NLRP14: variants seen among roughly 807,000 people sequenced by gnomAD.
NLRP14 encodes NACHT, LRR and PYD domains-containing protein 14.
NLRP14 carries 105 observed loss-of-function variants against 94.7 expected under a neutral mutation model. The ratio of observed to expected loss-of-function variants is 1.11; its 90% CI spans 0.95 to 1.30. NLRP14 has a LOEUF of 1.30. Among genes scored for constraint, NLRP14 ranks in the 50% most tolerant of loss-of-function variants. The probability of loss-of-function intolerance (pLI) is 0.00; values close to 1 mark genes in which losing one functional copy is unlikely to be tolerated. For synonymous variants in NLRP14, 508 were observed against 459.9 expected, an observed-to-expected ratio of 1.10 and a Z score of -1.34; for missense variants, 1,362 against 1,254.1, an observed-to-expected ratio of 1.09 and a Z score of -1.30.
At chr11:7,041,137 A>C (rs1852242167) in intron 3 of NLRP14, among the ~76,000 whole-genome samples, 1 of 152,166 alleles carries the variant, frequency 6.6e-6, no homozygotes. Flanking sequence ...GTTTCGTGGT[A>C]GGTTTTAATT....
intron 1 of NLRP14, among the ~76,000 whole-genome samples, chr11:7,024,854 A>G (rs973469598): frequency 2.0e-5 from 3 of 152,186 alleles, no homozygotes; most frequent in African/African-American, 7.2e-5. Flanking sequence ...AAGGTATCCT[A>G]TATGATTTGG....
At chr11:7,037,157 A>G (rs960051606) in intron 1 of NLRP14, among the ~76,000 whole-genome samples, 3 of 152,300 alleles carry the variant, frequency 2.0e-5, no homozygotes, top group Non-Finnish European at 4.4e-5. Context: ...GAAATTTCAG[A>G]GTTCTTTTTT....
the NLRP14 span, chr11:7,088,918 G>A: frequency 1.8e-5 from 11 of 620,394 alleles, no homozygotes; most frequent in African/African-American, 1.8e-4. Flanking sequence ...TCCCGACGGC[G>A]AATTGGCCCT....
At chr11:7,080,313 T>C in the NLRP14 span, among the ~76,000 whole-genome samples, 1 of 152,196 alleles carries the variant, frequency 6.6e-6, no homozygotes, top group Non-Finnish European at 1.5e-5. Context: ...TAAGAATTGT[T>C]GTTGGAAAAT....
chr11:7,042,818 G>T lies in NLRP14; in HGVS notation c.792G>T (p.Leu264=), dbSNP rs1465263435. 6.2e-7 allele frequency: 1 copy of T among 1,614,172 alleles called. No homozygotes were observed. Among genetic ancestry groups the T allele is most frequent in the Non-Finnish European group, 8.5e-7 (1 of 1,180,020 alleles). ...TTATTATTGACAGTTTCGATGAACT[G>T]AACTTTGCCTTTGAAGAACCTGAGT... The part of the protein sequence containing the change: ...LLFIIDSFDE[L]NFAFEEPEFA... Residue 264 remains leucine, a synonymous_variant, in exon 4 of 12, where the codon CTG becomes CTT. Transcript: ENST00000299481.
intron 4 of NLRP14, 132 bp downstream of exon 4, chr11:7,044,116 G>A (rs1292996948): frequency 1.1e-6 from 1 of 893,576 alleles, no homozygotes; most frequent in Admixed American, 2.2e-5. Context: ...TCTTGAGGCA[G>A]GGAGGCTAAG....
intron 6 of NLRP14, among the ~76,000 whole-genome samples, chr11:7,057,206 G>A (rs1852528928): frequency 6.6e-6 from 1 of 151,820 alleles, no homozygotes; most frequent in Non-Finnish European, 1.5e-5. Flanking sequence ...TTTACTTATT[G>A]TTTTTCACTC....
intron 8 of NLRP14, among the ~76,000 whole-genome samples, chr11:7,059,173 A>G (rs946692617): frequency 3.7e-4 from 56 of 150,364 alleles, no homozygotes; most frequent in African/African-American, 1.3e-3. Flanking sequence ...TCTATTATAT[A>G]TATCTTATAG....
At chr11:7,033,904 A>G (rs1041043645) in intron 1 of NLRP14, among the ~76,000 whole-genome samples, 3 of 152,200 alleles carry the variant, frequency 2.0e-5, no homozygotes, top group African/African-American at 7.2e-5. Flanking sequence ...GGGAAGGAAT[A>G]TCATGGTGGC....
chr11:7,074,437 T>C (rs1374550959), downstream of NLRP14, among the ~76,000 whole-genome samples: 1 of 152,204 alleles, frequency 6.6e-6, no homozygotes, highest in Non-Finnish European at 1.5e-5. Flanking sequence ...GACACCTCTT[T>C]CACATGATAG....
intron 1 of NLRP14, among the ~76,000 whole-genome samples, chr11:7,032,860 A>G (rs1852116752): frequency 6.6e-6 from 1 of 152,238 alleles, no homozygotes; most frequent in East Asian, 1.9e-4. Context: ...TGCACTGAGC[A>G]TAAACATGCA....
intron 3 of NLRP14, among the ~76,000 whole-genome samples, chr11:7,042,177 G>GT (rs1431622578): frequency 6.6e-6 from 1 of 151,002 alleles, no homozygotes; most frequent in African/African-American, 2.4e-5. Flanking sequence ...ATCTATTCTG[G>GT]TTTTTATTAC....
In NLRP14 at chr11:7,071,205, A is replaced by AT; in HGVS notation, c.3179_3180insT (p.Gln1060HisfsTer10). ...AAAGAGGCATTTGATGAGGAAGCCCAGAAGCTGCTGGAAGCTGTGGGAGTT... is the reference window on the plus strand; with the variant it reads ...AAAGAGGCATTTGATGAGGAAGCCCATGAAGCTGCTGGAAGCTGTGGGAGTT... On this transcript the variant is annotated frameshift_variant, in exon 12 of 12. Transcript: ENST00000299481. LOFTEE classifies it low-confidence loss of function (END_TRUNC). 6.2e-7 allele frequency: 1 copy of AT among 1,614,020 alleles called. No homozygotes were observed. The highest frequency in any genetic ancestry group is 1.1e-5 in the South Asian group (1 of 91,076).
chr11:7,058,110 T>C (rs1852546663), intron 7 of NLRP14, among the ~76,000 whole-genome samples, 170 bp from the exon 8 acceptor site: 1 of 151,962 alleles, frequency 6.6e-6, no homozygotes, highest in Admixed American at 6.6e-5. Flanking sequence ...TTTTGTTTCA[T>C]CATATCCTGC....
At chr11:7,049,037 C>T (rs1057256159) in intron 5 of NLRP14, among the ~76,000 whole-genome samples, 7 of 151,386 alleles carry the variant, frequency 4.6e-5, no homozygotes, top group East Asian at 1.9e-4. Flanking sequence ...GGTGGTGGGC[C>T]GAAAGGAGGA....
the NLRP14 span, chr11:7,090,277 G>C: frequency 5.6e-6 from 9 of 1,602,726 alleles, no homozygotes; most frequent in South Asian, 1.1e-5. Flanking sequence ...TTGGAGAGAG[G>C]AGGAGGCCGG....
Position 7,057,796 on chromosome 11 carries a change from A to T in NLRP14, c.2411A>T (p.Gln804Leu). ...STNNLLDDGV[Q>L]LLCEALRHPK... ...AATAATCTGTTGGATGATGGAGTGC[A>T]GCTTTTGTGTGAGGCCTTAAGACAT... Residue 804 changes from glutamine to leucine, a missense_variant, in exon 7 of 12, where the codon CAG becomes CTG. Physicochemically the swap from Gln to Leu is moderately radical, Grantham distance 113 (BLOSUM62 -2). Transcript: ENST00000299481. The T allele has an allele frequency of 6.2e-7, 1 of 1,612,564 alleles. No homozygotes were observed. The highest frequency in any genetic ancestry group is 8.5e-7 in the Non-Finnish European group (1 of 1,178,732).
At chr11:7,032,871 G>A (rs1328175310) in intron 1 of NLRP14, among the ~76,000 whole-genome samples, 1 of 152,290 alleles carries the variant, frequency 6.6e-6, no homozygotes, top group East Asian at 1.9e-4. Flanking sequence ...TAAACATGCA[G>A]CTTGGTAAAT....
chr11:7,044,048 A>T lies in NLRP14; in HGVS notation c.1958+64A>T, dbSNP rs1852314487. ...AGGGAGAGACGTAGATATTTGTCAG[A>T]GGGAGGAGGCGTTTAGCTGAGGTCC... On this transcript the variant is annotated intron_variant, in intron 4 of 11. Coordinates refer to ENST00000299481, the MANE Select transcript of NLRP14 (RefSeq NM_176822.4). The T allele has an allele frequency of 4.0e-6, 6 of 1,517,152 alleles. No individual in the cohort carries two copies. The South Asian group carries it at 5.6e-5, about 14-fold the overall frequency. 94.0% of individuals were successfully genotyped at this position (1,517,152 alleles called of 1,614,324 possible). A position where few individuals can be genotyped will look rare whatever the true frequency, so the allele number is the denominator to read the frequency against.
Sources: allele counts gnomAD v4.1 joint callset (sites outside exome capture counted in the v4.1 genomes callset), GRCh38; gene constraint gnomAD v4.1.1; transcripts MANE v1.5; gene names NCBI Gene and HGNC (gene_info 2026-07-23, HGNC 2026-07-21).